The following MYH14 variants were observed in gnomAD, a reference collection of about 807,000 sequenced individuals.
MYH14 encodes the protein myosin-14.
In MYH14, 123 loss-of-function variants were observed where a neutral mutation model predicts 255.5. That is an observed-to-expected ratio of 0.48 (90% CI 0.42 to 0.56). The LOEUF (loss-of-function observed/expected upper bound fraction) is 0.56, where lower values mean the gene tolerates loss of function less well. Ranked by LOEUF, MYH14 falls within the 20% of genes least tolerant of loss-of-function variation. MYH14 has a pLI of 0.00. For missense variants in MYH14, 2,423 were observed against 2,802.3 expected (o/e 0.86, Z 3.06); for synonymous variants, 1,095 against 1,161.2 (o/e 0.94, Z 1.16).
In MYH14 at chr19:50,230,845, G is replaced by A; in HGVS notation, c.973+222G>A. 1 of 531,316 alleles carries A rather than the reference G, an allele frequency of 1.9e-6. No individual in the cohort carries two copies. Among genetic ancestry groups the A allele is most frequent in the African/African-American group, 1.9e-5 (1 of 52,402 alleles). 32.9% of individuals were successfully genotyped at this position (531,316 alleles called of 1,614,324 possible). On this transcript the variant is annotated intron_variant, in intron 9 of 42. Coordinates refer to ENST00000642316, the MANE Select transcript of MYH14 (RefSeq NM_001145809.2). The surrounding 1 kb of genome is among the most constrained non-coding windows in gnomAD (Gnocchi z 4.7). Reference sequence around the variant, plus strand: ...TCCAGCTCTGTCCCGGGTCTGGCTCGCGCCCGCTGTCACGGCCACGCAGCC... The same window carrying A: ...TCCAGCTCTGTCCCGGGTCTGGCTCACGCCCGCTGTCACGGCCACGCAGCC...
intron 11 of MYH14, among the ~76,000 whole-genome samples, chr19:50,245,864 T>C (rs1345784499): frequency 1.3e-5 from 2 of 151,418 alleles, no homozygotes; most frequent in Non-Finnish European, 2.9e-5. Flanking sequence ...TGAAACCTGC[T>C]TTTTTTTCCC....
Position 50,232,083 on chromosome 19 carries a change from C to T in MYH14, c.1114+13C>T, listed in dbSNP as rs11666328. ...GAGGAAATCATCTGTGAGTGAGCCC[C>T]GTGGAGGCCAGGGGTAGGGGGGAAC... On this transcript the variant is annotated intron_variant, in intron 10 of 42. Coordinates refer to ENST00000642316, the MANE Select transcript of MYH14 (RefSeq NM_001145809.2). The T allele has an allele frequency of 0.36, 582,916 of 1,609,156 alleles. 107,029 individuals are homozygous for T. The highest frequency in any genetic ancestry group is 0.41 in the South Asian group (36,887 of 91,062).
intron 1 of MYH14, among the ~76,000 whole-genome samples, chr19:50,209,555 C>G (rs541101168): frequency 2.0e-5 from 3 of 152,054 alleles, no homozygotes; most frequent in African/African-American, 7.2e-5. Context: ...GAGGCCGAGG[C>G]GGGCAGATCA....
chr19:50,238,876 AAACATCAGCATGTATTTCCTACG>A (rs1236918224), intron 10 of MYH14, among the ~76,000 whole-genome samples: 1 of 152,146 alleles, frequency 6.6e-6, no homozygotes, highest in African/African-American at 2.4e-5. Flanking sequence ...CCTCCTCTGA[AAACATCAGCATGTATTTCCTACG>A]AACATTCCTT....
At position 50,278,075 on chromosome 19, in the gene MYH14, C is replaced by A; in HGVS notation, c.3826-8C>A. The A allele has an allele frequency of 6.5e-7, 1 of 1,543,682 alleles. No individual in the cohort carries two copies. Among genetic ancestry groups the A allele is most frequent in the South Asian group, 1.2e-5 (1 of 80,842 alleles). ...CATAGATCTTTGCTCATCTCCTTCC[C>A]ACACCAGGGCAAAGGTGCATGGGAG... On this transcript the variant is annotated splice_polypyrimidine_tract_variant and splice_region_variant and intron_variant, in intron 29 of 42. Transcript: ENST00000642316.
chr19:50,223,010 C>A, intron 3 of MYH14, 73 bp from the exon 4 acceptor site: 1 of 1,396,850 alleles, frequency 7.2e-7, no homozygotes, highest in Non-Finnish European at 1.0e-6. Context: ...AATGCAGCGG[C>A]CAGTGTAAGG....
At chr19:50,211,005 T>G (rs1366433728) in intron 2 of MYH14, among the ~76,000 whole-genome samples, 1 of 152,220 alleles carries the variant, frequency 6.6e-6, no homozygotes, top group East Asian at 1.9e-4. Context: ...ACTGTATTAT[T>G]TTCCTAAAGT....
intron 3 of MYH14, among the ~76,000 whole-genome samples, chr19:50,218,107 G>A (rs898160456): frequency 4.6e-5 from 7 of 151,650 alleles, no homozygotes; most frequent in East Asian, 2.0e-4. Context: ...AGCGATTCTC[G>A]TGCCTCAGCC....
intron 23 of MYH14, among the ~76,000 whole-genome samples, 172 bp from the exon 24 acceptor site, chr19:50,267,989 A>C (rs1353007241): frequency 6.6e-6 from 1 of 152,068 alleles, no homozygotes; most frequent in East Asian, 1.9e-4. Context: ...ATGTGGGCTC[A>C]TCCTGAGATG....
At chr19:50,299,766 A>G (rs578223789) in intron 39 of MYH14, among the ~76,000 whole-genome samples, 475 of 151,064 alleles carry the variant, frequency 3.1e-3, no homozygotes, top group African/African-American at 0.011. Context: ...CCAACATGGT[A>G]AAACCCCATC....
intron 17 of MYH14, among the ~76,000 whole-genome samples, chr19:50,256,347 C>T (rs2034590539): frequency 6.6e-6 from 1 of 152,172 alleles, no homozygotes; most frequent in African/African-American, 2.4e-5. Context: ...CTACCCAAAG[C>T]AGCACCGCCA....
chr19:50,309,666 G>A lies in MYH14; in HGVS notation c.5987G>A (p.Arg1996His), dbSNP rs369111539. Residue 1996 changes from arginine (R) to histidine (H), a missense_variant, in exon 43 of 43, where the codon CGC (arginine) becomes CAC (histidine). Physicochemically the swap from Arg to His is conservative, Grantham distance 29 (BLOSUM62 0). Transcript: ENST00000642316. ...LRRGPLTFTTRTVRQVFRLEE... is the reference protein window; with the variant it reads ...LRRGPLTFTTHTVRQVFRLEE... ...CGCGGCCCCCTCACCTTCACCACCC[G>A]CACGGTGCGCCAGGTCTTCCGACTA... The A allele has an allele frequency of 6.5e-6, 9 of 1,376,132 alleles. No homozygotes were observed. In the African/African-American group the frequency reaches 1.2e-4, roughly 18 times the overall value. 85.2% of individuals were successfully genotyped at this position (1,376,132 alleles called of 1,614,324 possible). A position where few individuals can be genotyped will look rare whatever the true frequency, so the allele number is the denominator to read the frequency against.
intron 37 of MYH14, among the ~76,000 whole-genome samples, chr19:50,292,702 A>C (rs529641971): frequency 6.6e-6 from 1 of 152,238 alleles, no homozygotes; most frequent in South Asian, 2.1e-4. Flanking sequence ...AAGATCCAGA[A>C]CAGAGGATGG....
chr19:50,266,124 T>C lies in MYH14; in HGVS notation c.2695-753T>C, dbSNP rs748146141. 3.9e-5 allele frequency among the ~76,000 whole-genome samples: 6 copies of C among 152,214 alleles called. No homozygotes were observed. Among genetic ancestry groups the C allele is most frequent in the Non-Finnish European group, 8.8e-5 (6 of 68,040 alleles). ...GTAGAATATGATTGAACAGAAATTA[T>C]CAGAGCAGATCTCACTTAGCAAGGG... On this transcript the variant is annotated intron_variant, in intron 22 of 42. Coordinates refer to ENST00000642316, the MANE Select transcript of MYH14 (RefSeq NM_001145809.2). The surrounding 1 kb of genome is among the most constrained non-coding windows in gnomAD (Gnocchi z 4.1).
chr19:50,217,539 C>T (rs2032545760), intron 2 of MYH14, 76 bp from the exon 3 acceptor site: 9 of 1,554,878 alleles, frequency 5.8e-6, no homozygotes, highest in Non-Finnish European at 4.4e-6. Context: ...CAGTGCACGG[C>T]CTGCTCAGCA....
chr19:50,243,491 G>A (rs1568490963), intron 10 of MYH14, among the ~76,000 whole-genome samples: 2 of 152,126 alleles, frequency 1.3e-5, no homozygotes, highest in Admixed American at 6.5e-5. Context: ...GACCAGAGGT[G>A]GTGGTACACA....
intron 33 of MYH14, 123 bp downstream of exon 33, chr19:50,281,965 A>G: frequency 9.7e-7 from 1 of 1,027,890 alleles, no homozygotes; most frequent in Non-Finnish European, 1.4e-6. Context: ...GTGGACCAGG[A>G]AGCAAGACCC....
At chr19:50,222,985 G>C in intron 3 of MYH14, 98 bp from the exon 4 acceptor site, 1 of 1,201,880 alleles carries the variant, frequency 8.3e-7, no homozygotes, top group Non-Finnish European at 1.2e-6. Context: ...CTTACTCCCT[G>C]GGAATAATTT....
chr19:50,288,705 C>T (rs1043006155), intron 34 of MYH14, among the ~76,000 whole-genome samples: 45 of 152,078 alleles, frequency 3.0e-4, no homozygotes, highest in African/African-American at 1.4e-4. Context: ...GTGCGGGAGG[C>T]GGGTGTTGCA....
Sources: gnomAD v4.1 joint callset for allele counts (sites outside exome capture counted in the v4.1 genomes callset) on GRCh38, gnomAD v4.1.1 for gene constraint, Gnocchi (gnomAD v3.1) non-coding constraint, MANE v1.5 for transcripts, NCBI Gene and HGNC (gene_info 2026-07-23, HGNC 2026-07-21) for gene names.